The following CD99 variants were observed in gnomAD, a reference collection of about 807,000 sequenced individuals.
CD99 encodes the protein CD99 molecule (Xg blood group), also known as CD99 antigen.
A neutral mutation model predicts 28.4 loss-of-function variants in CD99; 19 were observed. The ratio of observed to expected loss-of-function variants is 0.67; its 90% confidence interval spans 0.47 to 0.98. The LOEUF (loss-of-function observed/expected upper bound fraction) is 0.98, where lower values mean the gene tolerates loss of function less well. CD99 is among the 50% of genes least tolerant of loss of function. CD99 has a pLI of 0.00. For synonymous variants in CD99, 103 were observed against 92.1 expected, an observed-to-expected ratio of 1.12 and a Z score of -0.67; for missense variants, 283 against 248.8, an observed-to-expected ratio of 1.14 and a Z score of -0.92.
intron 8 of CD99, among the ~76,000 whole-genome samples, chrX:2,732,768 T>C (rs1390581669): frequency 1.4e-5 from 2 of 146,536 alleles, no homozygotes; most frequent in African/African-American, 2.5e-5. Context: ...TCTTTCCTTT[T>C]CCCCTCTCCA....
chrX:2,706,808 AT>A (rs965636830), intron 1 of CD99, among the ~76,000 whole-genome samples: 9 of 151,784 alleles, frequency 5.9e-5, no homozygotes, highest in African/African-American at 1.7e-4. Flanking sequence ...GAACTGCCTA[AT>A]TTTTTTTAAT....
chrX:2,727,254 A>G (rs1569445923), intron 8 of CD99: 1 of 773,238 alleles, frequency 1.3e-6, no homozygotes, highest in Non-Finnish European at 2.4e-6. Context: ...TTACAGGGGA[A>G]TTAGGAGGAG....
intron 1 of CD99, among the ~76,000 whole-genome samples, chrX:2,714,181 T>C (rs2048575944): frequency 6.6e-6 from 1 of 152,218 alleles, no homozygotes; most frequent in Non-Finnish European, 1.5e-5. Flanking sequence ...TTTACACTAT[T>C]TTAATTTCTA....
At chrX:2,712,586 A>G (rs1027914867) in intron 1 of CD99, among the ~76,000 whole-genome samples, 6 of 151,510 alleles carry the variant, frequency 4.0e-5, no homozygotes, top group Admixed American at 3.9e-4. Flanking sequence ...CGCATGCTGC[A>G]GGAGGAGCTG....
chrX:2,721,403 C>T (rs1384927387), intron 5 of CD99, among the ~76,000 whole-genome samples: 6 of 151,966 alleles, frequency 3.9e-5, no homozygotes, highest in Non-Finnish European at 8.8e-5. Flanking sequence ...TAGAGAGATC[C>T]CCCTGCCTCA....
intron 1 of CD99, among the ~76,000 whole-genome samples, chrX:2,704,583 G>A (rs1395483247): frequency 1.3e-5 from 2 of 152,004 alleles, no homozygotes; most frequent in Non-Finnish European, 2.9e-5. Flanking sequence ...ACAGGTACAC[G>A]CCACCATGCC....
chrX:2,715,764 G>A (rs1434428154), intron 2 of CD99, among the ~76,000 whole-genome samples: 7 of 152,118 alleles, frequency 4.6e-5, no homozygotes, highest in East Asian at 1.9e-4. Flanking sequence ...AGGGCTTCAC[G>A]TGTCCCTGTG....
intron 1 of CD99, among the ~76,000 whole-genome samples, chrX:2,693,589 G>A (rs913685229): frequency 1.1e-4 from 16 of 152,272 alleles, no homozygotes; most frequent in African/African-American, 3.8e-4. Context: ...CTTTCTTATA[G>A]CAACGTGCAT....
intron 8 of CD99, among the ~76,000 whole-genome samples, chrX:2,736,419 A>G (rs311094): frequency 0.43 from 64,842 of 151,718 alleles, 14,175 homozygotes; most frequent in Non-Finnish European, 0.49. Flanking sequence ...GGAAATAAAT[A>G]AATACCTATT....
At chrX:2,710,513 G>GTTT (rs1304481479) in intron 1 of CD99, among the ~76,000 whole-genome samples, 5 of 131,682 alleles carry the variant, frequency 3.8e-5, no homozygotes, top group South Asian at 2.4e-4. Context: ...TCACGTGTGG[G>GTTT]GTTTTTTTTT....
chrX:2,691,547 C>A, intron 1 of CD99, 120 bp downstream of exon 1: 1 of 1,127,082 alleles, frequency 8.9e-7, no homozygotes, highest in Non-Finnish European at 1.3e-6. Flanking sequence ...CCTCCCTGCC[C>A]GGCAGGACGC....
At chrX:2,715,971 T>C (rs1324996810) in intron 2 of CD99, among the ~76,000 whole-genome samples, 1 of 151,834 alleles carries the variant, frequency 6.6e-6, no homozygotes, top group African/African-American at 2.4e-5. Flanking sequence ...TTGGGGTGGG[T>C]GTGGATCTTG....
chrX:2,695,975 T>G (rs1199030726), intron 1 of CD99, among the ~76,000 whole-genome samples: 2 of 152,156 alleles, frequency 1.3e-5, no homozygotes, highest in African/African-American at 4.8e-5. Flanking sequence ...TGGAAGTGAC[T>G]CCTCTAACCA....
chrX:2,719,819 T>C (rs1196914818), intron 4 of CD99, 114 bp downstream of exon 4: 4 of 1,145,658 alleles, frequency 3.5e-6, no homozygotes, highest in African/African-American at 3.1e-5. Flanking sequence ...GTTTTCACAG[T>C]GGAAACCTAG....
chrX:2,701,721 C>T (rs151222194), intron 1 of CD99, among the ~76,000 whole-genome samples: 1,627 of 152,306 alleles, frequency 0.011, 29 homozygotes, highest in African/African-American at 0.037. Flanking sequence ...ATTTAAGCTC[C>T]CCTGAAGGGT....
At chrX:2,736,249 C>CATACAAACG (rs1044632120) in intron 8 of CD99, among the ~76,000 whole-genome samples, 1 of 151,240 alleles carries the variant, frequency 6.6e-6, no homozygotes, top group African/African-American at 2.4e-5. Context: ...GCTGCTGCAC[C>CATACAAACG]ATACAAACGT....
At chrX:2,708,416 G>T (rs957140859) in intron 1 of CD99, among the ~76,000 whole-genome samples, 1 of 152,118 alleles carries the variant, frequency 6.6e-6, no homozygotes, top group African/African-American at 2.4e-5. Context: ...GTGGGACTCT[G>T]TATCTGGGAG....
At chrX:2,731,167 C>T (rs193046524) in intron 8 of CD99, among the ~76,000 whole-genome samples, 5 of 152,196 alleles carry the variant, frequency 3.3e-5, no homozygotes, top group African/African-American at 7.2e-5. Context: ...CCCTCAGCCT[C>T]TGGGGCAGGA....
chrX:2,733,249 T>C, intron 8 of CD99: 2 of 1,217,014 alleles, frequency 1.6e-6, no homozygotes, highest in Non-Finnish European at 2.4e-6. Context: ...AGCAGCTCTT[T>C]CTAACACCTC....
Sources: gnomAD v4.1 joint callset for allele counts (sites outside exome capture counted in the v4.1 genomes callset) on GRCh38, gnomAD v4.1.1 for gene constraint, MANE v1.5 for transcripts, NCBI Gene and HGNC (gene_info 2026-07-23, HGNC 2026-07-21) for gene names.